Variants in RTL9 observed in about 807,000 individuals in gnomAD.
RTL9 encodes the protein retrotransposon Gag-like protein 9.
In RTL9, 19 loss-of-function variants were observed where a neutral mutation model predicts 44.7. That is an observed-to-expected ratio of 0.42 (90% confidence interval 0.30 to 0.62). RTL9 has a LOEUF of 0.62. RTL9 is among the 20% of genes least tolerant of loss of function. The pLI is 0.16. For synonymous variants in RTL9, 407 were observed against 398.9 expected, an observed-to-expected ratio of 1.02 and a Z score of -0.24; for missense variants, 1,105 against 1,080.6, an observed-to-expected ratio of 1.02 and a Z score of -0.32.
At chrX:110,388,157 G>A (rs1189198713) in intron 1 of RTL9, among the ~76,000 whole-genome samples, 1 of 111,445 alleles carries the variant, frequency 9.0e-6, no homozygotes, top group South Asian at 3.8e-4. Context: ...GTGAGCCACC[G>A]CCCAGCCTGA....
chrX:110,400,875 G>T (rs1335524495), intron 1 of RTL9, among the ~76,000 whole-genome samples: 1 of 111,869 alleles, frequency 8.9e-6, no homozygotes, highest in African/African-American at 3.3e-5. Flanking sequence ...TGTGGTAAAT[G>T]AATCAATGAA....
chrX:110,407,380 A>G (rs779219300), intron 1 of RTL9, among the ~76,000 whole-genome samples: 11 of 112,250 alleles, frequency 9.8e-5, no homozygotes, highest in Admixed American at 1.9e-4. Flanking sequence ...GCCTTGGTCT[A>G]GAAGATACAG....
intron 1 of RTL9, among the ~76,000 whole-genome samples, chrX:110,373,594 C>G (rs1179771452): frequency 2.7e-5 from 3 of 112,176 alleles, no homozygotes; most frequent in African/African-American, 9.7e-5. Flanking sequence ...TTGGTATATA[C>G]AAGAAATGGG....
exon 1 of RTL9, chrX:110,454,544 C>T: frequency 8.3e-7 from 1 of 1,211,681 alleles, no homozygotes; most frequent in Non-Finnish European, 1.1e-6. Context: ...ACACCGAGTG[C>T]CAGCTGGCTG....
exon 1 of RTL9, chrX:110,453,455 T>C: frequency 8.3e-7 from 1 of 1,211,983 alleles, no homozygotes; most frequent in Non-Finnish European, 1.1e-6. Context: ...CCATGGTCTC[T>C]GGAGGGATGT....
chrX:110,406,280 C>T (rs1443425447), intron 1 of RTL9, among the ~76,000 whole-genome samples: 1 of 106,935 alleles, frequency 9.4e-6, no homozygotes. Context: ...CCACAGGCCC[C>T]GGTGTGTGAT....
chrX:110,405,261 C>G lies in RTL9; in HGVS notation c.-167-39892C>G, dbSNP rs1056928582. 2.7e-5 allele frequency among the ~76,000 whole-genome samples: 3 copies of G among 111,394 alleles called. No homozygotes were observed. The East Asian group carries it at 8.4e-4, about 31-fold the overall frequency. Reference sequence around the variant, plus strand: ...CCCTCAGGGAAGAAGATGTAGAATGCCAAATTGCAAAGGGAGCTTGTAAAG... The same window carrying G: ...CCCTCAGGGAAGAAGATGTAGAATGGCAAATTGCAAAGGGAGCTTGTAAAG... On this transcript the variant is annotated intron_variant, in intron 1 of 2. Coordinates refer to the RTL9 transcript ENST00000520821.
At chrX:110,437,059 A>G (rs1034204647) in intron 1 of RTL9, among the ~76,000 whole-genome samples, 12 of 112,280 alleles carry the variant, frequency 1.1e-4, no homozygotes, top group Non-Finnish European at 1.3e-4. Context: ...CAAGGAAGTG[A>G]TTTCACGAAT....
At chrX:110,382,244 C>T (rs1481201060) in intron 1 of RTL9, among the ~76,000 whole-genome samples, 1 of 109,926 alleles carries the variant, frequency 9.1e-6, no homozygotes, top group Non-Finnish European at 1.9e-5. Context: ...TAATTATATA[C>T]AAGTCTGGGA....
At chrX:110,396,972 T>C (rs1329248011) in intron 1 of RTL9, among the ~76,000 whole-genome samples, 1 of 110,640 alleles carries the variant, frequency 9.0e-6, no homozygotes, top group African/African-American at 3.3e-5. Context: ...CACCCGTGAG[T>C]TTTTCTCTTC....
upstream of RTL9, among the ~76,000 whole-genome samples, chrX:110,418,289 G>A (rs1028125568): frequency 8.9e-6 from 1 of 112,240 alleles, no homozygotes; most frequent in South Asian, 3.7e-4. Flanking sequence ...CTGCCCCAAA[G>A]GCTTTTCAAA....
chrX:110,383,313 C>T (rs1421816759), intron 1 of RTL9, among the ~76,000 whole-genome samples: 1 of 111,295 alleles, frequency 9.0e-6, no homozygotes, highest in Non-Finnish European at 1.9e-5. Context: ...ACCCTCCTCC[C>T]TTCAAGAACT....
intron 1 of RTL9, among the ~76,000 whole-genome samples, chrX:110,397,949 G>C (rs2068539319): frequency 8.9e-6 from 1 of 112,310 alleles, no homozygotes; most frequent in African/African-American, 3.2e-5. Flanking sequence ...AGACCCTTAA[G>C]GAAAAGGGTG....
upstream of RTL9, among the ~76,000 whole-genome samples, chrX:110,447,276 G>T (rs1340161547): frequency 9.2e-6 from 1 of 108,499 alleles, no homozygotes; most frequent in Non-Finnish European, 1.9e-5. Context: ...TGTATACTGA[G>T]AATTTAAAGG....
At chrX:110,452,595 G>T in exon 1 of RTL9, 4 of 1,211,779 alleles carry the variant, frequency 3.3e-6, no homozygotes, top group Non-Finnish European at 4.5e-6. Flanking sequence ...GCAAATGACA[G>T]ACACAGCCTC....
At chrX:110,454,739 T>C in intron 1 of RTL9, 75 bp downstream of exon 3, 2 of 915,347 alleles carry the variant, frequency 2.2e-6, no homozygotes, top group Non-Finnish European at 3.0e-6. Context: ...ACATCCTGCT[T>C]CCTTGAGTAG....
At chrX:110,415,259 G>A (rs143971621), upstream of RTL9, among the ~76,000 whole-genome samples, 738 of 112,365 alleles carry the variant, frequency 6.6e-3, 6 homozygotes, top group African/African-American at 0.023. Flanking sequence ...CACTTGGAAA[G>A]TTTAGTGACA....
At chrX:110,440,346 A>G (rs914320356) in intron 1 of RTL9, 1 of 112,370 alleles carries the variant, frequency 8.9e-6, no homozygotes, top group African/African-American at 3.2e-5. Flanking sequence ...AAGTGTCCCA[A>G]AATAGCTCAG....
At chrX:110,429,481 T>G (rs1164229782) in intron 1 of RTL9, among the ~76,000 whole-genome samples, 1 of 94,017 alleles carries the variant, frequency 1.1e-5, no homozygotes, top group Non-Finnish European at 2.2e-5. Context: ...TTTGTTTTGT[T>G]TTTTTGGTTT....
Sources: allele counts gnomAD v4.1 joint callset (sites outside exome capture counted in the v4.1 genomes callset), GRCh38; gene constraint gnomAD v4.1.1; transcripts MANE v1.5; gene names NCBI Gene and HGNC (gene_info 2026-07-23, HGNC 2026-07-21).